ABHD12: variants seen among roughly 807,000 people sequenced by gnomAD.
ABHD12 encodes the protein abhydrolase domain containing 12, lysophospholipase.
In ABHD12, 43 loss-of-function variants were observed where a neutral mutation model predicts 58.3. The observed-to-expected ratio is 0.74, with a 90% CI of 0.58 to 0.95. The LOEUF (loss-of-function observed/expected upper bound fraction) is 0.95, where lower values mean the gene tolerates loss of function less well. ABHD12 is among the 40% of genes least tolerant of loss of function. The probability of loss-of-function intolerance (pLI) is 0.00; values close to 1 mark genes in which losing one functional copy is unlikely to be tolerated. For missense variants in ABHD12, 539 were observed against 537.2 expected, an observed-to-expected ratio of 1.00 and a Z score of -0.03; for synonymous variants, 219 against 211.2, an observed-to-expected ratio of 1.04 and a Z score of -0.32.
At chr20:25,312,527 T>C (rs910825976) in intron 6 of ABHD12, among the ~76,000 whole-genome samples, 9 of 152,194 alleles carry the variant, frequency 5.9e-5, no homozygotes, top group African/African-American at 2.2e-4. Flanking sequence ...CTCGGCTCAC[T>C]ACAACCTCCA....
intron 1 of ABHD12, among the ~76,000 whole-genome samples, chr20:25,367,146 C>A (rs956829025): frequency 6.6e-6 from 1 of 152,162 alleles, no homozygotes; most frequent in African/African-American, 2.4e-5. Context: ...TTACAACCAA[C>A]TACTGTTGTT....
downstream of ABHD12, among the ~76,000 whole-genome samples, chr20:25,298,951 G>A (rs1340503922): frequency 6.6e-6 from 1 of 152,208 alleles, no homozygotes; most frequent in African/African-American, 2.4e-5. Flanking sequence ...CCCCAGGTCT[G>A]TGGGGTGCCC....
chr20:25,390,621 G>C lies in ABHD12; in HGVS notation c.83C>G (p.Ala28Gly), dbSNP rs1311195021. ...CAGGCGGCAGTCGGCGTCCAGCGCC[G>C]CGGCGGCCGAGCCGGAGGAGGACGA... ...AGSSSSGSAA[A>G]ALDADCRLKQ... Residue 28 changes from alanine (A) to glycine (G), a missense_variant, in exon 1 of 13, where the codon GCG (alanine) becomes GGG (glycine). Physicochemically the swap from Ala to Gly is moderately conservative, Grantham distance 60 (BLOSUM62 0). Coordinates refer to ENST00000339157, the MANE Select transcript of ABHD12 (RefSeq NM_001042472.3). 3 of 1,461,124 alleles carry C rather than the reference G, an allele frequency of 2.1e-6. No individual in the cohort carries two copies. Among genetic ancestry groups the C allele is most frequent in the Non-Finnish European group, 2.7e-6 (3 of 1,112,056 alleles). 90.5% of individuals were successfully genotyped at this position (1,461,124 alleles called of 1,614,324 possible). A position where few individuals can be genotyped will look rare whatever the true frequency, so the allele number is the denominator to read the frequency against.
intron 2 of ABHD12, among the ~76,000 whole-genome samples, chr20:25,324,205 G>A (rs1287690147): frequency 6.6e-6 from 1 of 152,164 alleles, no homozygotes; most frequent in Non-Finnish European, 1.5e-5. Flanking sequence ...GATGAGAGGA[G>A]CAAGGTGACT....
chr20:25,368,660 G>A lies in ABHD12; in HGVS notation c.191+21853C>T, dbSNP rs1385530078. On this transcript the variant is annotated intron_variant, in intron 1 of 12. Coordinates refer to ENST00000339157, the MANE Select transcript of ABHD12 (RefSeq NM_001042472.3). ...CCTTTCTCGCCAGTGCTCAGAGCAT[G>A]AAAGTTTTCTGCTGTCTTTGGAATC... 3 of 1,364,258 alleles carry A rather than the reference G, an allele frequency of 2.2e-6. No individual in the cohort carries two copies. In the African/African-American group the frequency reaches 4.3e-5, roughly 20 times the overall value. The allele number at this position is 1,364,258 out of a possible 1,614,324, so 84.5% of individuals were successfully genotyped here. A position where few individuals can be genotyped will look rare whatever the true frequency, so the allele number is the denominator to read the frequency against.
chr20:25,362,664 C>T (rs1205394401), intron 1 of ABHD12, among the ~76,000 whole-genome samples: 2 of 150,408 alleles, frequency 1.3e-5, no homozygotes, highest in Admixed American at 6.6e-5. Context: ...AGAATTTTTA[C>T]TTGTTTTTTT....
chr20:25,311,001 T>C (rs928234254), intron 6 of ABHD12, among the ~76,000 whole-genome samples: 2 of 152,156 alleles, frequency 1.3e-5, no homozygotes, highest in Non-Finnish European at 2.9e-5. Context: ...AGAGAACCAG[T>C]GTCAACATGG....
chr20:25,361,663 C>G (rs1449340044), intron 1 of ABHD12, among the ~76,000 whole-genome samples: 1 of 152,178 alleles, frequency 6.6e-6, no homozygotes, highest in Admixed American at 6.5e-5. Flanking sequence ...ATTTGAAAAT[C>G]TTACACCTGG....
At chr20:25,295,214 T>C (rs1414167410), downstream of ABHD12, among the ~76,000 whole-genome samples, 2 of 152,236 alleles carry the variant, frequency 1.3e-5, no homozygotes, top group African/African-American at 4.8e-5. Flanking sequence ...AGACGGCAAA[T>C]GGAGATGCCG....
At chr20:25,315,539 G>A (rs2088945109) in intron 5 of ABHD12, among the ~76,000 whole-genome samples, 1 of 151,002 alleles carries the variant, frequency 6.6e-6, no homozygotes, top group Admixed American at 6.6e-5. Context: ...AGCAACATGG[G>A]AGGCTGCCGC....
At chr20:25,296,508 A>G (rs1568702944), downstream of ABHD12, 4 of 1,613,218 alleles carry the variant, frequency 2.5e-6, no homozygotes, top group Non-Finnish European at 3.4e-6. Flanking sequence ...GCCCCCCAAC[A>G]TCCCCCGGGA....
intron 1 of ABHD12, among the ~76,000 whole-genome samples, chr20:25,370,083 A>T (rs963723408): frequency 6.6e-6 from 1 of 152,158 alleles, no homozygotes; most frequent in African/African-American, 2.4e-5. Flanking sequence ...CACTGCGGGA[A>T]TTCCTACTTA....
rs914236462 is a variant in ABHD12, at chr20:25,339,219, C to T, written c.316+8G>A. 9.3e-6 allele frequency: 15 copies of T among 1,613,936 alleles called. No individual in the cohort carries two copies. The East Asian group carries it at 2.9e-4, about 31-fold the overall frequency. ...AAATTAAAGGAAAAATGGACACATA[C>T]CACTTACCGAAATTCAAGAAAATCA... On this transcript the variant is annotated splice_region_variant and intron_variant, in intron 2 of 12. Transcript: ENST00000339157.
At chr20:25,354,330 A>C (rs895777998) in intron 1 of ABHD12, among the ~76,000 whole-genome samples, 2 of 152,216 alleles carry the variant, frequency 1.3e-5, no homozygotes, top group Admixed American at 6.5e-5. Flanking sequence ...TGGAGGCAGG[A>C]AACAGGCAGG....
At chr20:25,322,539 C>A (rs1470706387) in intron 3 of ABHD12, among the ~76,000 whole-genome samples, 1 of 150,118 alleles carries the variant, frequency 6.7e-6, no homozygotes. Flanking sequence ...GCCACCATGC[C>A]CAGCTAATTT....
At chr20:25,355,770 G>T (rs1451139261) in intron 1 of ABHD12, among the ~76,000 whole-genome samples, 1 of 152,126 alleles carries the variant, frequency 6.6e-6, no homozygotes, top group Admixed American at 6.5e-5. Context: ...TGTTGGCCAG[G>T]ATGGTCTCAA....
chr20:25,376,480 G>A (rs7265940), intron 1 of ABHD12, among the ~76,000 whole-genome samples: 3,170 of 152,278 alleles, frequency 0.021, 102 homozygotes, highest in African/African-American at 0.072. Flanking sequence ...TGAGGATTCA[G>A]TCGGCAGAAC....
chr20:25,320,440 T>A (rs891247147), intron 3 of ABHD12, 122 bp from the exon 4 acceptor site: 7 of 1,343,826 alleles, frequency 5.2e-6, no homozygotes, highest in Non-Finnish European at 7.3e-6. Context: ...AGACCCCATC[T>A]AACTACAGGG....
intron 4 of ABHD12, among the ~76,000 whole-genome samples, chr20:25,318,254 G>A (rs148842391): frequency 4.6e-5 from 7 of 152,340 alleles, no homozygotes; most frequent in Non-Finnish European, 1.0e-4. Flanking sequence ...GGCTGAGGTT[G>A]CAGTGAGTCA....
Sources: allele counts gnomAD v4.1 joint callset (sites outside exome capture counted in the v4.1 genomes callset), GRCh38; gene constraint gnomAD v4.1.1; transcripts MANE v1.5; gene names NCBI Gene and HGNC (gene_info 2026-07-23, HGNC 2026-07-21).